The following ELAVL3 variants were observed in gnomAD, a reference collection of about 807,000 sequenced individuals.
ELAVL3 encodes the protein ELAV-like protein 3.
A neutral mutation model predicts 34.2 loss-of-function variants in ELAVL3; 8 were observed. The ratio of observed to expected loss-of-function variants is 0.23; its 90% CI spans 0.14 to 0.42. The LOEUF (loss-of-function observed/expected upper bound fraction) is 0.42, where lower values mean the gene tolerates loss of function less well. Among genes scored for constraint, ELAVL3 ranks in the 10% least tolerant of loss-of-function variants. The pLI, the probability that ELAVL3 is intolerant of heterozygous loss-of-function variation, is 1.00. For missense variants in ELAVL3, 273 were observed against 518.8 expected (o/e 0.53, Z 4.60); for synonymous variants, 209 against 222.1 (o/e 0.94, Z 0.53).
intron 1 of ELAVL3, among the ~76,000 whole-genome samples, chr19:11,468,589 G>T (rs1020201708): frequency 6.0e-5 from 9 of 151,124 alleles, no homozygotes; most frequent in East Asian, 1.9e-4. Context: ...AAATTTTTTT[G>T]TGTGTTTTTA....
At chr19:11,460,983 C>A (rs1970870853) in intron 3 of ELAVL3, among the ~76,000 whole-genome samples, 1 of 148,062 alleles carries the variant, frequency 6.8e-6, no homozygotes, top group South Asian at 2.2e-4. Flanking sequence ...AAGACTCACC[C>A]CCGTCCTCCA....
chr19:11,464,103 CTCTCTCTCTG>C (rs1298497037), intron 3 of ELAVL3, among the ~76,000 whole-genome samples: 7 of 143,496 alleles, frequency 4.9e-5, no homozygotes, highest in Non-Finnish European at 8.9e-5. Flanking sequence ...CTCTCCCTCT[CTCTCTCTCTG>C]TCTCTCTCTG....
At position 11,480,806 on chromosome 19, in the gene ELAVL3, C is replaced by T. The variant is rs1020216170; in HGVS notation, c.-198G>A. The T allele has an allele frequency of 2.3e-6, 1 of 427,544 alleles. No homozygotes were observed. Among genetic ancestry groups the T allele is most frequent in the Admixed American group, 4.5e-5 (1 of 22,322 alleles). 26.5% of individuals were successfully genotyped at this position (427,544 alleles called of 1,614,324 possible). A position where few individuals can be genotyped will look rare whatever the true frequency, so the allele number is the denominator to read the frequency against. On this transcript the variant is annotated 5_prime_UTR_variant, in exon 1 of 7. Coordinates refer to ENST00000359227, the MANE Select transcript of ELAVL3 (RefSeq NM_001420.4). This position sits in a 1 kb window ranked among gnomAD's most constrained non-coding sequence, Gnocchi z 6.8. ...ACCCGGGGATGCGCGCGCGGATGGC[C>T]GGGCCCCGGGGTGGCCTGCGGGCGG... is the stretch of plus-strand genomic sequence containing the variant.
intron 3 of ELAVL3, among the ~76,000 whole-genome samples, chr19:11,459,950 G>A (rs777349523): frequency 1.2e-4 from 18 of 152,022 alleles, no homozygotes; most frequent in Non-Finnish European, 2.2e-4. Context: ...CAGCTACACT[G>A]GGCCCCCCAG....
chr19:11,480,797 GC>G lies in ELAVL3; in HGVS notation c.-190del, dbSNP rs1359879666. The stretch of plus-strand genomic sequence containing the variant: ...CGGGCCCGAACCCGGGGATGCGCGC[GC>G]GGATGGCCGGGCCCCGGGGTGGCCT... On this transcript the variant is annotated 5_prime_UTR_variant, in exon 1 of 7. Transcript: ENST00000359227. This position sits in a 1 kb window ranked among gnomAD's most constrained non-coding sequence, Gnocchi z 6.8. The G allele has an allele frequency of 4.4e-6, 2 of 453,624 alleles. No individual in the cohort carries two copies. 28.1% of individuals were successfully genotyped at this position (453,624 alleles called of 1,614,324 possible).
chr19:11,477,168 G>C (rs1013686669), intron 1 of ELAVL3, among the ~76,000 whole-genome samples: 1 of 152,160 alleles, frequency 6.6e-6, no homozygotes, highest in Non-Finnish European at 1.5e-5. Flanking sequence ...TCCTCTGATA[G>C]TTAGGTCACC....
intron 5 of ELAVL3, 113 bp downstream of exon 5, chr19:11,457,948 C>T: frequency 1.7e-6 from 2 of 1,145,654 alleles, no homozygotes; most frequent in Non-Finnish European, 2.5e-6. Context: ...CTCCTTGGCT[C>T]CCATGTGTGC....
intron 1 of ELAVL3, among the ~76,000 whole-genome samples, chr19:11,475,759 G>A (rs1017018403): frequency 6.6e-5 from 10 of 151,856 alleles, no homozygotes; most frequent in South Asian, 2.1e-4. Context: ...GACCACAGGC[G>A]CGCACCACCA....
chr19:11,462,225 T>C (rs954993913), intron 3 of ELAVL3, among the ~76,000 whole-genome samples: 5 of 146,632 alleles, frequency 3.4e-5, no homozygotes, highest in Non-Finnish European at 7.5e-5. Flanking sequence ...ACAAAATAGA[T>C]AAAGCAGTTT....
chr19:11,457,193 C>T (rs1365226561), intron 5 of ELAVL3, 45 bp from the exon 6 acceptor site: 1 of 1,533,480 alleles, frequency 6.5e-7, no homozygotes, highest in Non-Finnish European at 8.7e-7. Context: ...CCAGTCACGC[C>T]CCCCTGCTGT....
At chr19:11,462,154 A>G (rs866290502) in intron 3 of ELAVL3, among the ~76,000 whole-genome samples, 45 of 147,178 alleles carry the variant, frequency 3.1e-4, no homozygotes, top group African/African-American at 9.4e-4. Context: ...CAGCCTGGGC[A>G]ACAGAGCGAG....
chr19:11,464,172 T>A lies in ELAVL3; in HGVS notation c.333+2000A>T, dbSNP rs1416397584. On this transcript the variant is annotated intron_variant, in intron 3 of 6. Transcript: ENST00000359227. ...CTCTCTATATATATATATATATTTT[T>A]TTTTTTTTTAGACAGGGTCTTGCTC... 7.4e-3 allele frequency among the ~76,000 whole-genome samples: 901 copies of A among 120,970 alleles called. 10 individuals carry two copies. Among genetic ancestry groups the A allele is most frequent in the African/African-American group, 0.031 (807 of 25,658 alleles). The allele number at this position is 120,970 out of a possible 152,430, so 79.4% of individuals were successfully genotyped here. A position where few individuals can be genotyped will look rare whatever the true frequency, so the allele number is the denominator to read the frequency against.
rs1970665108 is a variant in ELAVL3, at chr19:11,452,318, C to T, written c.*2208G>A. 1 of 152,150 alleles carries T rather than the reference C, an allele frequency of 6.6e-6. No individual in the cohort carries two copies. Among genetic ancestry groups the T allele is most frequent in the Non-Finnish European group, 1.5e-5 (1 of 68,036 alleles). 9.4% of individuals were successfully genotyped at this position (152,150 alleles called of 1,614,324 possible). On this transcript the variant is annotated 3_prime_UTR_variant, in exon 7 of 7. Coordinates refer to ENST00000359227, the MANE Select transcript of ELAVL3 (RefSeq NM_001420.4). ...AGAAACAAAGAGAACATTGTCGTTC[C>T]TTTAACTTGCAAACCGGATGAAGTA...
At chr19:11,457,526 C>CG (rs1355689151) in intron 5 of ELAVL3, among the ~76,000 whole-genome samples, 1 of 152,184 alleles carries the variant, frequency 6.6e-6, no homozygotes, top group Non-Finnish European at 1.5e-5. Flanking sequence ...CCCGGCCACC[C>CG]GGGGGCCCAC....
At chr19:11,475,200 A>C (rs1971240808) in intron 1 of ELAVL3, among the ~76,000 whole-genome samples, 1 of 152,188 alleles carries the variant, frequency 6.6e-6, no homozygotes, top group Non-Finnish European at 1.5e-5. Context: ...AAATACTTTG[A>C]GGCATATTTT....
chr19:11,472,791 G>A (rs1406381955), intron 1 of ELAVL3, among the ~76,000 whole-genome samples: 3 of 152,144 alleles, frequency 2.0e-5, no homozygotes, highest in Non-Finnish European at 4.4e-5. Flanking sequence ...GAAGCCAGGC[G>A]TGGTGGCTCA....
chr19:11,469,296 G>T (rs555593342), intron 1 of ELAVL3, among the ~76,000 whole-genome samples: 33 of 151,554 alleles, frequency 2.2e-4, no homozygotes, highest in Non-Finnish European at 4.0e-4. Context: ...TGCGCGGGAG[G>T]GGGGACGGAG....
chr19:11,479,595 C>G (rs1281523255), intron 1 of ELAVL3, among the ~76,000 whole-genome samples: 1 of 151,618 alleles, frequency 6.6e-6, no homozygotes, highest in African/African-American at 2.4e-5. Flanking sequence ...GGGATACGCC[C>G]GGGCTGCCGA....
intron 1 of ELAVL3, among the ~76,000 whole-genome samples, chr19:11,478,830 G>A (rs1378981014): frequency 6.6e-6 from 1 of 152,104 alleles, no homozygotes; most frequent in Non-Finnish European, 1.5e-5. Context: ...GCGGCCCCTG[G>A]CCCCAGTCAC....
Sources: allele counts gnomAD v4.1 joint callset (sites outside exome capture counted in the v4.1 genomes callset), GRCh38; gene constraint gnomAD v4.1.1; non-coding constraint Gnocchi (gnomAD v3.1); transcripts MANE v1.5; gene names NCBI Gene and HGNC (gene_info 2026-07-23, HGNC 2026-07-21).